The following GRM7 variants were observed in gnomAD, a reference collection of about 807,000 sequenced individuals.
GRM7 encodes the protein glutamate metabotropic receptor 7.
GRM7 carries 35 observed loss-of-function variants against 84.5 expected under a neutral mutation model. The observed-to-expected ratio is 0.41, with a 90% CI of 0.32 to 0.55. The LOEUF (loss-of-function observed/expected upper bound fraction) is 0.55, where lower values mean the gene tolerates loss of function less well. Ranked by LOEUF, GRM7 falls within the 20% of genes least tolerant of loss-of-function variation. GRM7 has a pLI of 0.19. For synonymous variants in GRM7, 487 were observed against 455.1 expected (o/e 1.07, Z -0.89); for missense variants, 1,003 against 1,194.6 (o/e 0.84, Z 2.36).
At chr3:7,458,944 A>G (rs935639528) in intron 6 of GRM7, among the ~76,000 whole-genome samples, 1 of 152,202 alleles carries the variant, frequency 6.6e-6, no homozygotes, top group African/African-American at 2.4e-5. Context: ...TTCTTCTTAT[A>G]TGCTCGCAAG....
chr3:7,544,076 G>T (rs1302098853), intron 7 of GRM7, among the ~76,000 whole-genome samples: 1 of 152,232 alleles, frequency 6.6e-6, no homozygotes. Context: ...GAAGACAAAT[G>T]AGATAGGACC....
intron 4 of GRM7, among the ~76,000 whole-genome samples, chr3:7,365,219 C>G (rs1437668646): frequency 2.6e-5 from 4 of 151,734 alleles, no homozygotes; most frequent in African/African-American, 9.7e-5. Context: ...CCCTCTTCCC[C>G]TTTTGTTCTT....
At position 7,136,847 on chromosome 3, in the gene GRM7, C is replaced by T. The variant is rs553323764; in HGVS notation, c.520-9605C>T. Among the ~76,000 whole-genome samples the T allele has an allele frequency of 2.0e-5, 3 of 152,164 alleles. No individual in the cohort carries two copies. In the South Asian group the frequency reaches 6.2e-4, roughly 32 times the overall value. On this transcript the variant is annotated intron_variant, in intron 1 of 9. Coordinates refer to ENST00000357716, the MANE Select transcript of GRM7 (RefSeq NM_000844.4). ...TTTCTTCCATAAGGGTAAATACTCT[C>T]AAGGAATGGGGAGAAGAATAAACAG...
chr3:7,335,336 A>G (rs1701375299), intron 4 of GRM7, among the ~76,000 whole-genome samples: 2 of 152,114 alleles, frequency 1.3e-5, no homozygotes, highest in South Asian at 4.1e-4. Context: ...AGAAATTTTG[A>G]TGGAAATTTA....
At chr3:7,571,316 C>G (rs1296306463) in intron 7 of GRM7, among the ~76,000 whole-genome samples, 1 of 152,126 alleles carries the variant, frequency 6.6e-6, no homozygotes, top group Non-Finnish European at 1.5e-5. Flanking sequence ...TGCTTCTGTG[C>G]TCTGCTTTCC....
At chr3:6,951,813 C>G (rs1273559502) in intron 1 of GRM7, among the ~76,000 whole-genome samples, 1 of 152,150 alleles carries the variant, frequency 6.6e-6, no homozygotes, top group Non-Finnish European at 1.5e-5. Flanking sequence ...CCAGTGTACC[C>G]TTACTCACTT....
chr3:7,644,117 A>ATGT (rs1553630293), intron 8 of GRM7, among the ~76,000 whole-genome samples: 16,568 of 51,080 alleles, frequency 0.32, 755 homozygotes, highest in Middle Eastern at 0.44. Flanking sequence ...AACACTGTGC[A>ATGT]TGTTGTGTGT....
rs34849112 is a variant in GRM7, at chr3:6,902,850, T to TACACACACAC, written c.519+40966_519+40975dup. Among the ~76,000 whole-genome samples, 377 of 134,538 alleles carry TACACACACAC rather than the reference T, an allele frequency of 2.8e-3. 1 individual carries two copies. The highest frequency in any genetic ancestry group is 4.3e-3 in the African/African-American group (168 of 38,854). 88.3% of individuals were successfully genotyped at this position (134,538 alleles called of 152,430 possible). A position where few individuals can be genotyped will look rare whatever the true frequency, so the allele number is the denominator to read the frequency against. On this transcript the variant is annotated intron_variant, in intron 1 of 9. Coordinates refer to ENST00000357716, the MANE Select transcript of GRM7 (RefSeq NM_000844.4). ...AACAACACGATCACAAACAGACTCC[T>TACACACACAC]ACACACACACACACACACACACACA...
chr3:7,682,267 C>T (rs1236405205), intron 9 of GRM7: 2 of 139,554 alleles, frequency 1.4e-5, no homozygotes, highest in African/African-American at 5.4e-5. Context: ...CCCAGGAGGG[C>T]AGAGGTTGCA....
At chr3:7,099,339 T>C (rs1330682461) in intron 1 of GRM7, among the ~76,000 whole-genome samples, 1 of 137,522 alleles carries the variant, frequency 7.3e-6, no homozygotes, top group Non-Finnish European at 1.5e-5. Context: ...ACACATGTAT[T>C]ATACATGTAT....
intron 2 of GRM7, among the ~76,000 whole-genome samples, chr3:7,271,073 G>GA (rs1698835292): frequency 1.3e-5 from 2 of 152,192 alleles, no homozygotes; most frequent in Non-Finnish European, 2.9e-5. Context: ...CTAGTACACA[G>GA]TTAAAGAAAT....
In GRM7 at chr3:7,007,416, C is replaced by T. The variant is rs368886004; in HGVS notation, c.520-139036C>T. Among the ~76,000 whole-genome samples the T allele has an allele frequency of 2.6e-4, 39 of 152,056 alleles. 1 individual carries two copies. Among genetic ancestry groups the T allele is most frequent in the Non-Finnish European group, 4.9e-4 (33 of 68,014 alleles). On this transcript the variant is annotated intron_variant, in intron 1 of 9. Transcript: ENST00000357716. Reference sequence around the variant, plus strand: ...ACTCTCCTGTAGCAGATATTATATCCCCAAAAATAGAAATAATATCTGTTA... The same window carrying T: ...ACTCTCCTGTAGCAGATATTATATCTCCAAAAATAGAAATAATATCTGTTA...
intron 5 of GRM7, among the ~76,000 whole-genome samples, chr3:7,443,876 G>A (rs149184625): frequency 3.3e-5 from 5 of 152,270 alleles, no homozygotes; most frequent in African/African-American, 1.2e-4. Context: ...GAAAATTTAT[G>A]TTTTTGTGAA....
chr3:7,139,171 T>C (rs1170490798), intron 1 of GRM7, among the ~76,000 whole-genome samples: 4 of 149,878 alleles, frequency 2.7e-5, no homozygotes, highest in African/African-American at 9.7e-5. Context: ...AGGCTATAGG[T>C]ATTTGATTTT....
chr3:7,624,845 G>T (rs1443891950), intron 8 of GRM7, among the ~76,000 whole-genome samples: 2 of 152,130 alleles, frequency 1.3e-5, no homozygotes, highest in East Asian at 1.9e-4. Context: ...ACATGAGAAG[G>T]ATTTGAGCAG....
At chr3:7,022,880 T>C (rs1462963765) in intron 1 of GRM7, among the ~76,000 whole-genome samples, 1 of 152,098 alleles carries the variant, frequency 6.6e-6, no homozygotes, top group Non-Finnish European at 1.5e-5. Flanking sequence ...ACAAAATTTA[T>C]TAATGTACAT....
chr3:7,067,275 G>A (rs959478557), intron 1 of GRM7, among the ~76,000 whole-genome samples: 5 of 151,782 alleles, frequency 3.3e-5, no homozygotes, highest in South Asian at 2.1e-4. Context: ...TAAACCCTAC[G>A]GACTCCTCCA....
intron 9 of GRM7, among the ~76,000 whole-genome samples, chr3:7,704,759 T>C (rs75636137): frequency 0.011 from 1,665 of 152,266 alleles, 41 homozygotes; most frequent in African/African-American, 0.038. Flanking sequence ...TCCAGCCATC[T>C]TTCCCTGATG....
rs552617737 is a variant in GRM7, at chr3:7,629,815, G to GT, written c.2452-50226dup. 7.2e-5 allele frequency among the ~76,000 whole-genome samples: 11 copies of GT among 152,046 alleles called. No individual in the cohort carries two copies. In the East Asian group the frequency reaches 1.5e-3, roughly 21 times the overall value. On this transcript the variant is annotated intron_variant, in intron 8 of 9. Coordinates refer to ENST00000357716, the MANE Select transcript of GRM7 (RefSeq NM_000844.4). ...ATAAGAAACTTGTTTTACATTCCAA[G>GT]TTTTTTTTAAATCTCCCAGCCTAGT...
Sources: allele counts gnomAD v4.1 joint callset (sites outside exome capture counted in the v4.1 genomes callset), GRCh38; gene constraint gnomAD v4.1.1; transcripts MANE v1.5; gene names NCBI Gene and HGNC (gene_info 2026-07-23, HGNC 2026-07-21).